The following SUSD4 variants were observed in gnomAD, a reference collection of about 807,000 sequenced individuals.
SUSD4 encodes the protein sushi domain containing 4, also known as sushi domain-containing protein 4.
SUSD4 carries 41 observed loss-of-function variants against 50.5 expected under a neutral mutation model. That is an observed-to-expected ratio of 0.81 (90% CI 0.63 to 1.05). SUSD4 has a LOEUF of 1.05. SUSD4 is among the 50% of genes least tolerant of loss of function. The pLI, the probability that SUSD4 is intolerant of heterozygous loss-of-function variation, is 0.00. For synonymous variants in SUSD4, 257 were observed against 257.3 expected (o/e 1.00, Z 0.01); for missense variants, 580 against 634.7 (o/e 0.91, Z 0.93).
At chr1:223,260,683 T>C (rs981520941) in intron 5 of SUSD4, among the ~76,000 whole-genome samples, 13 of 152,202 alleles carry the variant, frequency 8.5e-5, no homozygotes, top group African/African-American at 1.9e-4. Flanking sequence ...TGCTTTGAAA[T>C]TTTGGGTGCT....
chr1:223,330,844 C>T (rs1667133607), intron 2 of SUSD4, among the ~76,000 whole-genome samples: 1 of 152,140 alleles, frequency 6.6e-6, no homozygotes, highest in Admixed American at 6.5e-5. Flanking sequence ...TGGGACAGCC[C>T]CATGTAGTCA....
chr1:223,287,151 C>G (rs946960344), intron 3 of SUSD4, among the ~76,000 whole-genome samples: 23 of 152,344 alleles, frequency 1.5e-4, no homozygotes, highest in African/African-American at 4.8e-4. Flanking sequence ...TATCGGTTCA[C>G]TGCAACCTCT....
intron 5 of SUSD4, among the ~76,000 whole-genome samples, chr1:223,242,130 A>G (rs1660626257): frequency 6.6e-6 from 1 of 152,060 alleles, no homozygotes; most frequent in African/African-American, 2.4e-5. Context: ...TTTTGTAGAG[A>G]CAGGGTTTCA....
intron 2 of SUSD4, among the ~76,000 whole-genome samples, chr1:223,351,617 T>G (rs1668370910): frequency 6.6e-6 from 1 of 151,916 alleles, no homozygotes; most frequent in Non-Finnish European, 1.5e-5. Context: ...CAGGAACAGC[T>G]GTGGAAAGGC....
rs1192847372 is a variant in SUSD4 at position 223,332,402 on chromosome 1, T to C, written c.148+30876A>G. Among the ~76,000 whole-genome samples, 3 of 152,230 alleles carry C rather than the reference T, an allele frequency of 2.0e-5. No homozygotes were observed. The highest frequency in any genetic ancestry group is 7.2e-5 in the African/African-American group (3 of 41,464). On this transcript the variant is annotated intron_variant, in intron 2 of 8. Transcript: ENST00000366878. The surrounding 1 kb of genome is among the most constrained non-coding windows in gnomAD (Gnocchi z 4.0). ...AAGCATCAAAAGGATTAAATTGCTT[T>C]GGTGAGGTCTCTTACAAAAATTGGA...
intron 3 of SUSD4, among the ~76,000 whole-genome samples, chr1:223,270,626 G>A (rs1571934638): frequency 6.6e-6 from 1 of 152,154 alleles, no homozygotes; most frequent in Non-Finnish European, 1.5e-5. Flanking sequence ...CTGGAGTGCA[G>A]TGGCATAATC....
At chr1:223,284,777 C>T (rs1664021668) in intron 3 of SUSD4, among the ~76,000 whole-genome samples, 1 of 152,124 alleles carries the variant, frequency 6.6e-6, no homozygotes, top group Non-Finnish European at 1.5e-5. Flanking sequence ...AAGTTAAACA[C>T]TGCATGTTCT....
intron 5 of SUSD4, among the ~76,000 whole-genome samples, chr1:223,253,113 A>AAAAAG (rs1275347864): frequency 6.6e-6 from 1 of 151,978 alleles, no homozygotes; most frequent in Non-Finnish European, 1.5e-5. Context: ...AAAGAAAAAG[A>AAAAAG]AAAAGAAAAT....
In SUSD4 at chr1:223,264,278, A is replaced by G. The variant is rs1038956526; in HGVS notation, c.724+352T>C. The G allele has an allele frequency of 3.0e-6, 3 of 1,010,888 alleles. No individual in the cohort carries two copies. In the African/African-American group the frequency reaches 5.2e-5, roughly 17 times the overall value. 62.6% of individuals were successfully genotyped at this position (1,010,888 alleles called of 1,614,324 possible). A position where few individuals can be genotyped will look rare whatever the true frequency, so the allele number is the denominator to read the frequency against. On this transcript the variant is annotated intron_variant, in intron 5 of 8. Transcript: ENST00000366878. ...GAAACAGCGACACAACAATAAAACG[A>G]GGGGTAAGATTAATGACATGATACA...
At chr1:223,326,799 C>A (rs141082317) in intron 2 of SUSD4, among the ~76,000 whole-genome samples, 1 of 152,132 alleles carries the variant, frequency 6.6e-6, no homozygotes, top group South Asian at 2.1e-4. Context: ...AATGAGATAC[C>A]ACCTTACTCC....
intron 2 of SUSD4, among the ~76,000 whole-genome samples, chr1:223,303,286 G>A (rs1236852399): frequency 6.6e-6 from 1 of 152,052 alleles, no homozygotes; most frequent in Admixed American, 6.6e-5. Flanking sequence ...AAAAGAAAAG[G>A]GAAAGAGAGA....
intron 2 of SUSD4, among the ~76,000 whole-genome samples, chr1:223,334,991 G>C (rs958854193): frequency 3.3e-5 from 5 of 152,118 alleles, no homozygotes; most frequent in African/African-American, 1.2e-4. Flanking sequence ...CCATTCCTGA[G>C]TTACTTCACT....
chr1:223,362,087 G>GC (rs1176220352), intron 2 of SUSD4, among the ~76,000 whole-genome samples: 5 of 152,074 alleles, frequency 3.3e-5, no homozygotes, highest in Admixed American at 6.5e-5. Flanking sequence ...TCCACCCAAA[G>GC]CAAGTGTTTT....
At position 223,268,547 on chromosome 1, in the gene SUSD4, A is replaced by G. The variant is rs1426481821; in HGVS notation, c.490T>C (p.Leu164=). Reference sequence around the variant, plus strand: ...TTCCACGTTCCATCATCGCGACATAATGAAACCATATTGTGTAGGTCGGGG... The same window carrying G: ...TTCCACGTTCCATCATCGCGACATAGTGAAACCATATTGTGTAGGTCGGGG... ...RYPDLHNMVS[L]CRDDGTWNNL... The change falls in exon 4 of 9, where the codon TTA becomes CTA. Residue 164 remains leucine, a synonymous_variant. Coordinates refer to ENST00000366878, the MANE Select transcript of SUSD4 (RefSeq NM_017982.4). 11 of 1,613,994 alleles carry G rather than the reference A, an allele frequency of 6.8e-6. No homozygotes were observed. Among genetic ancestry groups the G allele is most frequent in the Admixed American group, 1.7e-5 (1 of 59,988 alleles).
intron 5 of SUSD4, chr1:223,264,396 C>G: frequency 8.1e-7 from 1 of 1,234,472 alleles, no homozygotes; most frequent in Non-Finnish European, 1.0e-6. Context: ...ATGTTCGCAA[C>G]TTTTTCTTTT....
At position 223,229,057 on chromosome 1, in the gene SUSD4, C is replaced by G; in HGVS notation, c.916+140G>C. On this transcript the variant is annotated intron_variant, in intron 6 of 8. Coordinates refer to ENST00000366878, the MANE Select transcript of SUSD4 (RefSeq NM_017982.4). The surrounding 1 kb of genome is among the most constrained non-coding windows in gnomAD (Gnocchi z 4.7). ...GAGCCCAACAGCAGCCCCATCGACC[C>G]GCAATGATATGTTTCGATATCCTGT... The G allele has an allele frequency of 3.4e-6, 3 of 876,336 alleles. No individual in the cohort carries two copies. The highest frequency in any genetic ancestry group is 5.2e-6 in the Non-Finnish European group (3 of 581,120). 54.3% of individuals were successfully genotyped at this position (876,336 alleles called of 1,614,324 possible).
At chr1:223,269,170 G>A (rs1478415368) in intron 3 of SUSD4, among the ~76,000 whole-genome samples, 2 of 152,158 alleles carry the variant, frequency 1.3e-5, no homozygotes, top group Non-Finnish European at 1.5e-5. Flanking sequence ...ACAGCACAGG[G>A]GTTGAGCTGT....
At chr1:223,331,416 C>T (rs1221386242) in intron 2 of SUSD4, among the ~76,000 whole-genome samples, 2 of 152,164 alleles carry the variant, frequency 1.3e-5, no homozygotes, top group African/African-American at 4.8e-5. Context: ...GCTGTGAAAC[C>T]TTGTGTGCCA....
intron 2 of SUSD4, among the ~76,000 whole-genome samples, chr1:223,322,665 G>A (rs1165884951): frequency 1.3e-5 from 2 of 152,054 alleles, no homozygotes; most frequent in Non-Finnish European, 1.5e-5. Context: ...TGTGTCTGTT[G>A]ACATGTAGGT....
Sources: allele counts gnomAD v4.1 joint callset (sites outside exome capture counted in the v4.1 genomes callset), GRCh38; gene constraint gnomAD v4.1.1; non-coding constraint Gnocchi (gnomAD v3.1); transcripts MANE v1.5; gene names NCBI Gene and HGNC (gene_info 2026-07-23, HGNC 2026-07-21).